CYP3A43: variants seen among roughly 807,000 people sequenced by gnomAD.
CYP3A43 encodes the protein cytochrome P450 3A43.
CYP3A43 carries 45 observed loss-of-function variants against 58.0 expected under a neutral mutation model. The ratio of observed to expected loss-of-function variants is 0.78; its 90% CI spans 0.61 to 0.99. The LOEUF (loss-of-function observed/expected upper bound fraction) is 0.99. CYP3A43 is among the 50% of genes least tolerant of loss of function. The pLI, the probability that CYP3A43 is intolerant of heterozygous loss-of-function variation, is 0.00. For missense variants in CYP3A43, 593 were observed against 591.9 expected, an observed-to-expected ratio of 1.00 and a Z score of -0.02; for synonymous variants, 191 against 201.4, an observed-to-expected ratio of 0.95 and a Z score of 0.44.
chr7:99,860,858 A>G (rs377134116), intron 10 of CYP3A43, among the ~76,000 whole-genome samples: 46 of 151,172 alleles, frequency 3.0e-4, no homozygotes, highest in African/African-American at 1.1e-3. Context: ...TAGGGTTTTT[A>G]TATAACATAG....
chr7:99,851,055 T>C (rs1158218017), intron 7 of CYP3A43, among the ~76,000 whole-genome samples: 2 of 151,870 alleles, frequency 1.3e-5, no homozygotes, highest in African/African-American at 2.4e-5. Context: ...TAATCCCAGC[T>C]ATCAGGAACC....
chr7:99,847,895 C>G, intron 5 of CYP3A43: 1 of 521,822 alleles, frequency 1.9e-6, no homozygotes. Context: ...GCCTATAATC[C>G]TAGCTGCTCA....
At chr7:99,853,035 A>T (rs1047000849) in intron 7 of CYP3A43, among the ~76,000 whole-genome samples, 2 of 152,198 alleles carry the variant, frequency 1.3e-5, no homozygotes, top group Middle Eastern at 3.2e-3. Context: ...TTATATTTAC[A>T]AGATATGTTA....
chr7:99,839,285 A>G (rs976025802), intron 3 of CYP3A43, 113 bp downstream of exon 3: 1 of 1,293,114 alleles, frequency 7.7e-7, no homozygotes, highest in Non-Finnish European at 1.1e-6. Context: ...TTGTCAACCT[A>G]AGTAACAAAC....
At chr7:99,857,216 G>A (rs370066250) in intron 9 of CYP3A43, among the ~76,000 whole-genome samples, 2 of 152,120 alleles carry the variant, frequency 1.3e-5, no homozygotes, top group Non-Finnish European at 1.5e-5. Context: ...ACTTGGAAAC[G>A]TACATCTAAC....
chr7:99,849,508 G>C, intron 6 of CYP3A43, 38 bp from the exon 7 acceptor site: 1 of 1,568,828 alleles, frequency 6.4e-7, no homozygotes, highest in Non-Finnish European at 8.6e-7. Context: ...AAGGTAAAGA[G>C]GTGCTGGTTT....
chr7:99,848,284 T>C, intron 6 of CYP3A43, 30 bp downstream of exon 6: 1 of 1,609,042 alleles, frequency 6.2e-7, no homozygotes, highest in Non-Finnish European at 8.5e-7. Flanking sequence ...GGTTCTGAGC[T>C]GTCATGAGCC....
At chr7:99,849,800 A>C (rs943980925) in intron 7 of CYP3A43, 106 bp downstream of exon 7, 4 of 1,124,052 alleles carry the variant, frequency 3.6e-6, no homozygotes, top group Non-Finnish European at 4.9e-6. Context: ...TCACCTACTT[A>C]AAATGTATAA....
chr7:99,843,815 G>A (rs1469572306), intron 3 of CYP3A43, among the ~76,000 whole-genome samples: 1 of 151,850 alleles, frequency 6.6e-6, no homozygotes, highest in Non-Finnish European at 1.5e-5. Context: ...AATGGTATAG[G>A]GAATGCCCAA....
At chr7:99,855,418 G>A in intron 7 of CYP3A43, 173 bp from the exon 8 acceptor site, 2 of 746,902 alleles carry the variant, frequency 2.7e-6, no homozygotes, top group Non-Finnish European at 2.0e-6. Context: ...CTCAGCCATT[G>A]GCATGGAAGA....
chr7:99,843,580 C>G (rs1016637055), intron 3 of CYP3A43, among the ~76,000 whole-genome samples: 3 of 151,992 alleles, frequency 2.0e-5, no homozygotes, highest in African/African-American at 7.2e-5. Context: ...ATTCTCCTGC[C>G]CTGGCTTCCC....
intron 7 of CYP3A43, among the ~76,000 whole-genome samples, chr7:99,854,841 C>T (rs910209005): frequency 2.0e-5 from 3 of 152,006 alleles, no homozygotes; most frequent in African/African-American, 7.2e-5. Context: ...TATTGTTTAA[C>T]TTCCACATAT....
At chr7:99,850,738 A>C (rs180709711) in intron 7 of CYP3A43, among the ~76,000 whole-genome samples, 181 of 152,332 alleles carry the variant, frequency 1.2e-3, no homozygotes, top group African/African-American at 4.2e-3. Context: ...CATCATATAA[A>C]TTGAATCATA....
chr7:99,855,229 A>G (rs1817926503), intron 7 of CYP3A43, among the ~76,000 whole-genome samples: 1 of 152,214 alleles, frequency 6.6e-6, no homozygotes, highest in Non-Finnish European at 1.5e-5. Context: ...CCTGACTACT[A>G]TTTCATGGAA....
chr7:99,830,185 C>A (rs1013087620), intron 1 of CYP3A43, among the ~76,000 whole-genome samples: 1 of 151,098 alleles, frequency 6.6e-6, no homozygotes, highest in Non-Finnish European at 1.5e-5. Context: ...TAAAAAAAAG[C>A]AATGGTCTTG....
At position 99,863,675 on chromosome 7, in the gene CYP3A43, C is replaced by T. The variant is rs373608877; in HGVS notation, c.1392C>T (p.Ser464=). ...LAVIRALQNF[S]FKPCKETQIP... is the part of the protein sequence containing the mutation. ...TCATTAGAGCACTGCAGAACTTCTCCTTCAAACCTTGTAAAGAGACTCAGG... is the reference window on the plus strand; with the variant it reads ...TCATTAGAGCACTGCAGAACTTCTCTTTCAAACCTTGTAAAGAGACTCAGG... The change falls in exon 12 of 13, where the codon TCC becomes TCT. Residue 464 remains serine, a synonymous_variant. Coordinates refer to ENST00000354829, the MANE Select transcript of CYP3A43 (RefSeq NM_057095.3). 1.2e-6 allele frequency: 2 copies of T among 1,606,730 alleles called. No homozygotes were observed. The highest frequency in any genetic ancestry group is 2.7e-5 in the African/African-American group (2 of 74,706).
At chr7:99,856,077 G>A (rs1420337883) in intron 8 of CYP3A43, among the ~76,000 whole-genome samples, 6 of 152,142 alleles carry the variant, frequency 3.9e-5, no homozygotes, top group Admixed American at 3.3e-4. Flanking sequence ...TATTTTATGG[G>A]TATTACAATT....
intron 12 of CYP3A43, 60 bp downstream of exon 12, chr7:99,863,759 A>AT (rs1818338590): frequency 2.2e-6 from 3 of 1,335,360 alleles, no homozygotes; most frequent in Admixed American, 5.1e-5. Flanking sequence ...AGAAGTCTAC[A>AT]TTTTTTAAAA....
chr7:99,863,437 A>T, intron 11 of CYP3A43, 100 bp from the exon 12 acceptor site: 2 of 919,292 alleles, frequency 2.2e-6, no homozygotes, highest in South Asian at 2.9e-5. Flanking sequence ...GAGGCCAAGG[A>T]GGTCCTCGCC....
Sources: gnomAD v4.1 joint callset for allele counts (sites outside exome capture counted in the v4.1 genomes callset) on GRCh38, gnomAD v4.1.1 for gene constraint, MANE v1.5 for transcripts, NCBI Gene and HGNC (gene_info 2026-07-23, HGNC 2026-07-21) for gene names.